The following KCNIP4 variants were observed in gnomAD, a reference collection of about 807,000 sequenced individuals.
The protein encoded by KCNIP4 is potassium voltage-gated channel interacting protein 4.
In KCNIP4, 12 loss-of-function variants were observed where a neutral mutation model predicts 34.0. The ratio of observed to expected loss-of-function variants is 0.35; its 90% CI spans 0.23 to 0.57. The LOEUF (loss-of-function observed/expected upper bound fraction) is 0.57. KCNIP4 is among the 20% of genes least tolerant of loss of function. The probability of loss-of-function intolerance (pLI) is 0.83; values close to 1 mark genes in which losing one functional copy is unlikely to be tolerated. For missense variants in KCNIP4, 238 were observed against 311.7 expected (o/e 0.76, Z 1.78); for synonymous variants, 124 against 102.2 (o/e 1.21, Z -1.29).
chr4:21,697,769 G>A (rs1015478778), intron 1 of KCNIP4: 21 of 709,652 alleles, frequency 3.0e-5, no homozygotes, highest in Non-Finnish European at 3.6e-5. Context: ...CTCTCCAGAA[G>A]CAGTTGCAAC....
intron 1 of KCNIP4, among the ~76,000 whole-genome samples, chr4:21,228,915 G>C (rs1758600188): frequency 6.6e-6 from 1 of 152,154 alleles, no homozygotes; most frequent in African/African-American, 2.4e-5. Context: ...CACAAAGGCA[G>C]ATAGCTCTGA....
intron 2 of KCNIP4, among the ~76,000 whole-genome samples, chr4:20,867,177 C>G (rs1722960481): frequency 6.6e-6 from 1 of 151,828 alleles, no homozygotes. Context: ...TCATATGGAA[C>G]CAAATAAGAG....
At position 20,744,747 on chromosome 4, in the gene KCNIP4, C is replaced by T. The variant is rs182473014; in HGVS notation, c.429+4915G>A. ...CAAACCTGCACATTTTGCACATGTA[C>T]CCTAGAACTTAAAGAATAATAATAA... On this transcript the variant is annotated intron_variant, in intron 5 of 8. Coordinates refer to ENST00000382152, the MANE Select transcript of KCNIP4 (RefSeq NM_025221.6). Among the ~76,000 whole-genome samples, 353 of 152,038 alleles carry T rather than the reference C, an allele frequency of 2.3e-3. 8 individuals carry two copies. The South Asian group carries it at 0.046, about 20-fold the overall frequency.
At chr4:21,430,271 T>C (rs985329620) in intron 1 of KCNIP4, among the ~76,000 whole-genome samples, 5 of 152,166 alleles carry the variant, frequency 3.3e-5, no homozygotes, top group African/African-American at 9.7e-5. Flanking sequence ...TGTATTTTAA[T>C]CATTGCCACA....
At chr4:21,226,499 TA>T (rs542628220) in intron 1 of KCNIP4, among the ~76,000 whole-genome samples, 1 of 152,304 alleles carries the variant, frequency 6.6e-6, no homozygotes, top group African/African-American at 2.4e-5. Context: ...TTAAAAAGTC[TA>T]AATAATTGAC....
At chr4:21,013,773 G>A (rs1261188849) in intron 1 of KCNIP4, among the ~76,000 whole-genome samples, 1 of 152,154 alleles carries the variant, frequency 6.6e-6, no homozygotes, top group African/African-American at 2.4e-5. Flanking sequence ...TACAGGATGT[G>A]ACTCAATGAA....
intron 3 of KCNIP4, among the ~76,000 whole-genome samples, chr4:20,801,777 C>T (rs1301008969): frequency 6.6e-6 from 1 of 151,980 alleles, no homozygotes; most frequent in Non-Finnish European, 1.5e-5. Flanking sequence ...AAAGGATCGA[C>T]AGAGCTACAA....
chr4:20,969,247 CA>C (rs1004929121), intron 1 of KCNIP4, among the ~76,000 whole-genome samples: 3 of 152,108 alleles, frequency 2.0e-5, no homozygotes, highest in Non-Finnish European at 4.4e-5. Context: ...GGATTGACAA[CA>C]AGAAAGAAGA....
chr4:21,638,342 A>C (rs1746372965), intron 1 of KCNIP4, among the ~76,000 whole-genome samples: 1 of 152,176 alleles, frequency 6.6e-6, no homozygotes, highest in South Asian at 2.1e-4. Flanking sequence ...GATGGCACTC[A>C]ATGCACAGTC....
intron 1 of KCNIP4, among the ~76,000 whole-genome samples, chr4:21,913,900 T>G (rs1427064951): frequency 6.6e-6 from 1 of 152,038 alleles, no homozygotes; most frequent in Non-Finnish European, 1.5e-5. Flanking sequence ...ATAAGTGGGA[T>G]AGTCCAAATA....
intron 1 of KCNIP4, among the ~76,000 whole-genome samples, chr4:21,404,587 C>A (rs1723817055): frequency 1.3e-5 from 2 of 152,018 alleles, no homozygotes. Flanking sequence ...TAAACATGTA[C>A]ACGTATACAT....
At chr4:21,253,568 G>A (rs1456267790) in intron 1 of KCNIP4, among the ~76,000 whole-genome samples, 2 of 152,074 alleles carry the variant, frequency 1.3e-5, no homozygotes, top group African/African-American at 4.8e-5. Context: ...CATCAGTCTT[G>A]GAAAAGGAAT....
rs1553845733 is a variant in KCNIP4, at chr4:21,247,820, T to TACAC, written c.62-365115_62-365112dup. On this transcript the variant is annotated intron_variant, in intron 1 of 8. Transcript: ENST00000382152. Reference sequence around the variant, plus strand: ...AGGTGGATATATATATATATATATATACACACACACACAGACACCACAGGT... The same window carrying TACAC: ...AGGTGGATATATATATATATATATATACACACACACACACACAGACACCACAGGT... Among the ~76,000 whole-genome samples the TACAC allele has an allele frequency of 2.6e-4, 26 of 101,166 alleles. 1 individual carries two copies. The highest frequency in any genetic ancestry group is 6.5e-4 in the South Asian group (2 of 3,056). 66.4% of individuals were successfully genotyped at this position (101,166 alleles called of 152,430 possible). A position where few individuals can be genotyped will look rare whatever the true frequency, so the allele number is the denominator to read the frequency against.
intron 1 of KCNIP4, chr4:21,464,701 A>C (rs887819109): frequency 1.3e-5 from 2 of 152,128 alleles, no homozygotes; most frequent in Non-Finnish European, 2.9e-5. Context: ...TATCACATCT[A>C]TTTGGTGTAT....
At chr4:21,037,342 C>T (rs1385254488) in intron 1 of KCNIP4, among the ~76,000 whole-genome samples, 1 of 152,316 alleles carries the variant, frequency 6.6e-6, no homozygotes, top group East Asian at 1.9e-4. Context: ...GTCCTGCAAG[C>T]TCCACTCATA....
intron 1 of KCNIP4, among the ~76,000 whole-genome samples, chr4:21,430,513 T>A (rs2109663511): frequency 6.6e-6 from 1 of 152,150 alleles, no homozygotes; most frequent in East Asian, 1.9e-4. Context: ...AATCCTCAAT[T>A]ACATCAACCT....
intron 3 of KCNIP4, among the ~76,000 whole-genome samples, chr4:20,777,452 T>C (rs1333926896): frequency 6.6e-6 from 1 of 152,090 alleles, no homozygotes; most frequent in Non-Finnish European, 1.5e-5. Flanking sequence ...AAGACTTAAG[T>C]TTTTAATGAA....
chr4:20,889,767 C>CAAA (rs201346832), intron 1 of KCNIP4, among the ~76,000 whole-genome samples: 1 of 113,996 alleles, frequency 8.8e-6, no homozygotes, highest in African/African-American at 3.1e-5. Context: ...ACTGGAAGTT[C>CAAA]AAAAAAAAAA....
intron 1 of KCNIP4, among the ~76,000 whole-genome samples, chr4:21,825,961 G>A (rs569174483): frequency 2.7e-4 from 41 of 152,086 alleles, no homozygotes; most frequent in Non-Finnish European, 4.9e-4. Flanking sequence ...AGATAGAGCC[G>A]GTCATGCACA....
Sources: gnomAD v4.1 joint callset for allele counts (sites outside exome capture counted in the v4.1 genomes callset) on GRCh38, gnomAD v4.1.1 for gene constraint, MANE v1.5 for transcripts, NCBI Gene and HGNC (gene_info 2026-07-23, HGNC 2026-07-21) for gene names.